SLC26A4: variants seen among roughly 807,000 people sequenced by gnomAD.
SLC26A4 encodes the protein solute carrier family 26 member 4.
A neutral mutation model predicts 90.4 loss-of-function variants in SLC26A4; 93 were observed. The observed-to-expected ratio is 1.03, with a 90% confidence interval of 0.87 to 1.22. The LOEUF (loss-of-function observed/expected upper bound fraction) is 1.22, where lower values mean the gene tolerates loss of function less well. SLC26A4 is among the 50% of genes most tolerant of loss of function. The pLI is 0.00. For missense variants in SLC26A4, 1,127 were observed against 946.2 expected (o/e 1.19, Z -2.51); for synonymous variants, 393 against 354.6 (o/e 1.11, Z -1.22).
chr7:107,704,596 T>C (rs1791990466), intron 18 of SLC26A4, among the ~76,000 whole-genome samples: 1 of 152,164 alleles, frequency 6.6e-6, no homozygotes, highest in Non-Finnish European at 1.5e-5. Flanking sequence ...TTCAGTATTA[T>C]ACACAGAAAA....
chr7:107,701,979 A>G lies in SLC26A4; in HGVS notation c.1956A>G (p.Lys652=). The change falls in exon 17 of 21, where the codon AAA becomes AAG. Residue 652 remains lysine, a synonymous_variant. Transcript: ENST00000644269. ...SELPVKVNVP[K]VPIHSLVLDC... ...TTCCAGTCAAAGTGAACGTTCCCAA[A>G]GTGCCAATCCATAGCCTTGTGCTTG... is the stretch of plus-strand genomic sequence containing the variant. 2 of 1,614,118 alleles carry G rather than the reference A, an allele frequency of 1.2e-6. No individual in the cohort carries two copies. Among genetic ancestry groups the G allele is most frequent in the Non-Finnish European group, 1.7e-6 (2 of 1,179,972 alleles).
chr7:107,663,182 T>C (rs1305350173), intron 2 of SLC26A4, 114 bp from the exon 3 acceptor site: 3 of 1,207,898 alleles, frequency 2.5e-6, no homozygotes, highest in East Asian at 2.3e-5. Context: ...GAAATACTTA[T>C]CCTTTTTCCA....
Position 107,661,573 on chromosome 7 carries a change from G to C in SLC26A4, c.-3-66G>C, listed in dbSNP as rs1014400207. ...GGTGATCCCGTTCTTTCTGTTCCTC[G>C]CTCTTCCCCTCCGATCGTCCTCGCT... On this transcript the variant is annotated intron_variant, in intron 1 of 20. Coordinates refer to ENST00000644269, the MANE Select transcript of SLC26A4 (RefSeq NM_000441.2). The surrounding 1 kb of genome is among the most constrained non-coding windows in gnomAD (Gnocchi z 5.1). The C allele has an allele frequency of 1.3e-6, 2 of 1,488,144 alleles. No homozygotes were observed. The highest frequency in any genetic ancestry group is 4.9e-5 in the East Asian group (2 of 40,716). The allele number at this position is 1,488,144 out of a possible 1,614,324, so 92.2% of individuals were successfully genotyped here.
intron 8 of SLC26A4, among the ~76,000 whole-genome samples, chr7:107,688,128 C>T (rs1431745276): frequency 6.6e-6 from 1 of 152,144 alleles, no homozygotes; most frequent in African/African-American, 2.4e-5. Flanking sequence ...GGTCTAAGTT[C>T]CTTTATCAAC....
At chr7:107,710,025 T>C (rs1215887566) in intron 18 of SLC26A4, 29 bp from the exon 19 acceptor site, 8 of 1,605,896 alleles carry the variant, frequency 5.0e-6, no homozygotes, top group South Asian at 1.1e-5. Flanking sequence ...TCCTAGGAAC[T>C]AACAAAACAT....
At position 107,683,197 on chromosome 7, in the gene SLC26A4, T is replaced by C; in HGVS notation, c.766-5T>C. The C allele has an allele frequency of 6.2e-7, 1 of 1,610,212 alleles. No individual in the cohort carries two copies. The highest frequency in any genetic ancestry group is 8.5e-7 in the Non-Finnish European group (1 of 1,178,312). ...GAAGTATATAAAATTATTTTCTTTT[T>C]ATAGACGCTGGTTGAGATTTTTCAA... On this transcript the variant is annotated splice_region_variant and splice_polypyrimidine_tract_variant and intron_variant, in intron 6 of 20. Transcript: ENST00000644269.
Position 107,663,310 on chromosome 7 carries a change from G to C in SLC26A4, c.179G>C (p.Arg60Thr), listed in dbSNP as rs756009720. 6 of 1,614,246 alleles carry C rather than the reference G, an allele frequency of 3.7e-6. No homozygotes were observed. In the Admixed American group the frequency reaches 6.7e-5, roughly 18 times the overall value. Residue 60 changes from arginine to threonine, a missense_variant, in exon 3 of 21, where the codon AGA becomes ACA. Coordinates refer to ENST00000644269, the MANE Select transcript of SLC26A4 (RefSeq NM_000441.2). ...CTTTTTGACAGTTGTTCAAGAAAGA[G>C]AGCCTTTGGTGTGCTAAAGACTCTT... Reference protein sequence around the residue: ...LAKCCSCSRKRAFGVLKTLVP... With the variant: ...LAKCCSCSRKTAFGVLKTLVP...
At chr7:107,671,619 T>C (rs1333673778) in intron 3 of SLC26A4, among the ~76,000 whole-genome samples, 4 of 152,324 alleles carry the variant, frequency 2.6e-5, no homozygotes, top group African/African-American at 9.6e-5. Flanking sequence ...CATCCTAGCA[T>C]AGCCAGTCTG....
intron 2 of SLC26A4, among the ~76,000 whole-genome samples, 160 bp from the exon 3 acceptor site, chr7:107,663,136 A>G (rs1790609045): frequency 6.6e-6 from 1 of 152,212 alleles, no homozygotes; most frequent in Non-Finnish European, 1.5e-5. Flanking sequence ...TTCTTGGCAA[A>G]AGCATGGTAA....
At chr7:107,688,233 TTC>T (rs1315211030) in intron 8 of SLC26A4, among the ~76,000 whole-genome samples, 1 of 152,198 alleles carries the variant, frequency 6.6e-6, no homozygotes, top group Non-Finnish European at 1.5e-5. Context: ...TTTACCACTG[TTC>T]TCTAATTATA....
At position 107,696,035 on chromosome 7, in the gene SLC26A4, C is replaced by A. The variant is rs121908366; in HGVS notation, c.1540C>A (p.Gln514Lys). Residue 514 changes from glutamine to lysine, a missense_variant, in exon 13 of 21, where the codon CAG (glutamine) becomes AAG (lysine). Physicochemically the swap from Gln to Lys is moderately conservative, Grantham distance 53 (BLOSUM62 1). Coordinates refer to ENST00000644269, the MANE Select transcript of SLC26A4 (RefSeq NM_000441.2). The stretch of plus-strand genomic sequence containing the variant: ...ACTGTTGACTGTGGTCCTGAGAGTT[C>A]AGTTGTGAGTAACGTAAAACCCAGA... ...FGLLTVVLRV[Q>K]FPSWNGLGSI... The A allele has an allele frequency of 3.2e-6, 5 of 1,564,478 alleles. No homozygotes were observed. Among genetic ancestry groups the A allele is most frequent in the Non-Finnish European group, 4.4e-6 (5 of 1,134,984 alleles).
intron 20 of SLC26A4, among the ~76,000 whole-genome samples, chr7:107,715,020 T>G (rs1241981136): frequency 1.4e-5 from 2 of 145,890 alleles, no homozygotes; most frequent in Non-Finnish European, 3.0e-5. Flanking sequence ...AGGTCAGGAG[T>G]TTGAGACCAG....
intron 10 of SLC26A4, among the ~76,000 whole-genome samples, chr7:107,691,492 G>C (rs1791573069): frequency 7.5e-6 from 1 of 133,084 alleles, no homozygotes; most frequent in South Asian, 2.5e-4. Flanking sequence ...ACAAGAGCTA[G>C]ACTCTGTGTC....
At chr7:107,680,906 A>C (rs1039350424) in intron 6 of SLC26A4, among the ~76,000 whole-genome samples, 2 of 152,192 alleles carry the variant, frequency 1.3e-5, no homozygotes, top group Admixed American at 6.5e-5. Context: ...CAATTCATCA[A>C]AATGTTATAC....
chr7:107,689,379 C>T (rs181750439), intron 9 of SLC26A4, among the ~76,000 whole-genome samples, 179 bp downstream of exon 9: 1 of 152,176 alleles, frequency 6.6e-6, no homozygotes. Context: ...CACACTGCAT[C>T]ACTTTGCTTT....
Position 107,710,041 on chromosome 7 carries a change from C to T in SLC26A4, c.2090-13C>T, listed in dbSNP as rs1017373529. 9 of 1,611,192 alleles carry T rather than the reference C, an allele frequency of 5.6e-6. No homozygotes were observed. Among genetic ancestry groups the T allele is most frequent in the Non-Finnish European group, 7.6e-6 (9 of 1,177,654 alleles). Reference sequence around the variant, plus strand: ...CCTAGGAACTAACAAAACATTGTGTCTTTCTTTTGAAGATTATGTGATAGA... The same window carrying T: ...CCTAGGAACTAACAAAACATTGTGTTTTTCTTTTGAAGATTATGTGATAGA... On this transcript the variant is annotated splice_polypyrimidine_tract_variant and intron_variant, in intron 18 of 20. Coordinates refer to ENST00000644269, the MANE Select transcript of SLC26A4 (RefSeq NM_000441.2).
At chr7:107,677,805 C>T (rs563953806) in intron 6 of SLC26A4, among the ~76,000 whole-genome samples, 1 of 152,094 alleles carries the variant, frequency 6.6e-6, no homozygotes, top group East Asian at 1.9e-4. Context: ...TTAGTAGAGG[C>T]AATGTCTTGC....
intron 10 of SLC26A4, among the ~76,000 whole-genome samples, chr7:107,692,298 A>G (rs1453851553): frequency 6.6e-6 from 1 of 152,210 alleles, no homozygotes; most frequent in Non-Finnish European, 1.5e-5. Flanking sequence ...AAGTGCCTGA[A>G]CTGAAATCCA....
chr7:107,678,002 C>A (rs150788809), intron 6 of SLC26A4, among the ~76,000 whole-genome samples: 1 of 152,110 alleles, frequency 6.6e-6, no homozygotes, highest in African/African-American at 2.4e-5. Flanking sequence ...TGGTCTTGAA[C>A]CCCTGGCCTC....
Sources: allele counts gnomAD v4.1 joint callset (sites outside exome capture counted in the v4.1 genomes callset), GRCh38; gene constraint gnomAD v4.1.1; non-coding constraint Gnocchi (gnomAD v3.1); transcripts MANE v1.5; gene names NCBI Gene and HGNC (gene_info 2026-07-23, HGNC 2026-07-21).